The following GSDMC variants were observed in gnomAD, a reference collection of about 807,000 sequenced individuals.
GSDMC encodes gasdermin-C.
In GSDMC, 59 loss-of-function variants were observed where a neutral mutation model predicts 58.0. The observed-to-expected ratio is 1.02, with a 90% CI of 0.82 to 1.26. GSDMC has a LOEUF of 1.26. Ranked by LOEUF, GSDMC falls within the 50% of genes most tolerant of loss-of-function variation. The pLI is 0.00. For missense variants in GSDMC, 659 were observed against 598.5 expected, an observed-to-expected ratio of 1.10 and a Z score of -1.06; for synonymous variants, 241 against 220.2, an observed-to-expected ratio of 1.09 and a Z score of -0.83.
the GSDMC span, among the ~76,000 whole-genome samples, chr8:129,732,212 G>C: frequency 3.3e-5 from 5 of 151,608 alleles, no homozygotes; most frequent in African/African-American, 1.2e-4. Context: ...AGCCCTAGTC[G>C]AACAAGTGCC....
intron 6 of GSDMC, among the ~76,000 whole-genome samples, chr8:129,758,337 G>A (rs1449177798): frequency 6.6e-6 from 1 of 152,094 alleles, no homozygotes; most frequent in Non-Finnish European, 1.5e-5. Context: ...CATTATTGCT[G>A]TTTAGCATAG....
At chr8:129,723,434 T>C in the GSDMC span, among the ~76,000 whole-genome samples, 1 of 146,646 alleles carries the variant, frequency 6.8e-6, no homozygotes, top group Admixed American at 6.7e-5. Flanking sequence ...TTTTTTTTTT[T>C]TTTTTGTATT....
intron 1 of GSDMC, among the ~76,000 whole-genome samples, chr8:129,781,242 A>G (rs1167142028): frequency 6.6e-6 from 1 of 152,210 alleles, no homozygotes; most frequent in Non-Finnish European, 1.5e-5. Context: ...GAGTGGTTGA[A>G]TTAATTAAAA....
chr8:129,766,073 A>T (rs948667797), intron 3 of GSDMC, among the ~76,000 whole-genome samples: 3 of 152,176 alleles, frequency 2.0e-5, no homozygotes, highest in Non-Finnish European at 4.4e-5. Context: ...GGGGTAACTT[A>T]TAGAATTTTA....
At chr8:129,728,823 C>T in the GSDMC span, 3 of 574,434 alleles carry the variant, frequency 5.2e-6, no homozygotes, top group Non-Finnish European at 6.7e-6. Flanking sequence ...CGGACGGACC[C>T]TGAGCTGAGG....
intron 6 of GSDMC, among the ~76,000 whole-genome samples, chr8:129,758,675 A>G (rs2033535939): frequency 1.3e-5 from 2 of 151,886 alleles, no homozygotes; most frequent in Admixed American, 1.3e-4. Flanking sequence ...AAAGTTCTCT[A>G]CAATAAAAAC....
chr8:129,778,407 G>A lies in GSDMC; in HGVS notation c.-4-816C>T, dbSNP rs188242431. Among the ~76,000 whole-genome samples, 13 of 152,252 alleles carry A rather than the reference G, an allele frequency of 8.5e-5. No individual in the cohort carries two copies. In the East Asian group the frequency reaches 1.7e-3, roughly 20 times the overall value. On this transcript the variant is annotated intron_variant, in intron 1 of 13. Coordinates refer to ENST00000276708, the MANE Select transcript of GSDMC (RefSeq NM_031415.3). ...TGCTGGGATACCTGGCTAGCCATAAGCAGAAGAGTGAAAATGGACCATTTC... is the reference window on the plus strand; with the variant it reads ...TGCTGGGATACCTGGCTAGCCATAAACAGAAGAGTGAAAATGGACCATTTC...
At chr8:129,780,032 G>A (rs1417521268) in intron 1 of GSDMC, among the ~76,000 whole-genome samples, 1 of 152,048 alleles carries the variant, frequency 6.6e-6, no homozygotes, top group Non-Finnish European at 1.5e-5. Context: ...TCAAACAGAA[G>A]GAAGAATCAG....
At chr8:129,731,555 G>C in the GSDMC span, among the ~76,000 whole-genome samples, 49,405 of 152,154 alleles carry the variant, frequency 0.32, 11,618 homozygotes, top group African/African-American at 0.65. Flanking sequence ...GCAAGAGGCT[G>C]GCAACCCAGG....
chr8:129,712,572 C>T, the GSDMC span, among the ~76,000 whole-genome samples: 1 of 152,030 alleles, frequency 6.6e-6, no homozygotes, highest in East Asian at 1.9e-4. Context: ...AATCATTGGG[C>T]TGCAGCTCCA....
downstream of GSDMC, among the ~76,000 whole-genome samples, chr8:129,745,632 G>A (rs1401370424): frequency 6.6e-6 from 1 of 151,616 alleles, no homozygotes; most frequent in Non-Finnish European, 1.5e-5. Flanking sequence ...TAAAATCAAT[G>A]GGAAGTGGAA....
At chr8:129,776,697 C>T (rs774479714) in intron 2 of GSDMC, among the ~76,000 whole-genome samples, 2 of 152,114 alleles carry the variant, frequency 1.3e-5, no homozygotes, top group Non-Finnish European at 2.9e-5. Flanking sequence ...CCCAGTTCTA[C>T]TAGTTCCCAG....
chr8:129,778,468 A>G lies in GSDMC; in HGVS notation c.-4-877T>C, dbSNP rs548052384. Among the ~76,000 whole-genome samples, 4 of 152,316 alleles carry G rather than the reference A, an allele frequency of 2.6e-5. No individual in the cohort carries two copies. In the East Asian group the frequency reaches 7.7e-4, roughly 29 times the overall value. ...ATTCAAAAATCAACTCAAGACGAAT[A>G]AAAGACTGAAATGTAAAACCCGAAA... On this transcript the variant is annotated intron_variant, in intron 1 of 13. Transcript: ENST00000276708.
At chr8:129,751,030 G>A (rs1002705309) in intron 10 of GSDMC, among the ~76,000 whole-genome samples, 18 of 152,140 alleles carry the variant, frequency 1.2e-4, no homozygotes, top group East Asian at 3.9e-4. Context: ...CCAGCACTTC[G>A]GGAGGCTGAC....
At chr8:129,714,783 G>T in the GSDMC span, among the ~76,000 whole-genome samples, 1 of 151,190 alleles carries the variant, frequency 6.6e-6, no homozygotes, top group South Asian at 2.1e-4. Flanking sequence ...AGTTCTTCAG[G>T]CTGAAGAGGA....
rs144307746 is a variant in GSDMC, at chr8:129,776,129, G to T, written c.377C>A (p.Ser126Ter). ...SLEFQIVTIP[S>*]PNLEDFQKRK... ...TTTTTGAAAGTCTTCCAGGTTTGGTGATGGGATGGTAACAATTTGAAACTC... is the reference window on the plus strand; with the variant it reads ...TTTTTGAAAGTCTTCCAGGTTTGGTTATGGGATGGTAACAATTTGAAACTC... The change falls in exon 3 of 14, where the codon TCA (serine) becomes TAA (stop). Residue 126 changes from serine to a stop codon, truncating the protein, a stop_gained. Transcript: ENST00000276708. LOFTEE classifies it high-confidence loss of function. 1.7e-5 allele frequency: 28 copies of T among 1,613,736 alleles called. No individual in the cohort carries two copies. Among genetic ancestry groups the T allele is most frequent in the Non-Finnish European group, 2.3e-5 (27 of 1,179,856 alleles).
At chr8:129,735,637 T>C in the GSDMC span, among the ~76,000 whole-genome samples, 3 of 152,146 alleles carry the variant, frequency 2.0e-5, no homozygotes, top group African/African-American at 7.2e-5. Flanking sequence ...TACCAGAATC[T>C]CTGGGACACA....
the GSDMC span, among the ~76,000 whole-genome samples, chr8:129,714,558 G>T: frequency 6.6e-6 from 1 of 152,020 alleles, no homozygotes; most frequent in Non-Finnish European, 1.5e-5. Context: ...AAGTGATACT[G>T]ATTTTCCATT....
downstream of GSDMC, among the ~76,000 whole-genome samples, chr8:129,745,192 A>T (rs60229064): frequency 0.016 from 2,435 of 152,336 alleles, 59 homozygotes; most frequent in African/African-American, 0.053. Flanking sequence ...TCAATCTATT[A>T]GCACCATTTG....
Sources: gnomAD v4.1 joint callset for allele counts (sites outside exome capture counted in the v4.1 genomes callset) on GRCh38, gnomAD v4.1.1 for gene constraint, MANE v1.5 for transcripts, NCBI Gene and HGNC (gene_info 2026-07-23, HGNC 2026-07-21) for gene names.